PDE1C: variants seen among roughly 807,000 people sequenced by gnomAD.
PDE1C encodes phosphodiesterase 1C.
A neutral mutation model predicts 93.1 loss-of-function variants in PDE1C; 62 were observed. The observed-to-expected ratio is 0.67, with a 90% confidence interval of 0.54 to 0.82. The LOEUF (loss-of-function observed/expected upper bound fraction) is 0.82. PDE1C is among the 40% of genes least tolerant of loss of function. PDE1C has a pLI of 0.00. For synonymous variants in PDE1C, 325 were observed against 310.1 expected (o/e 1.05, Z -0.50); for missense variants, 742 against 884.6 (o/e 0.84, Z 2.04).
chr7:32,070,778 G>C (rs1795962152), upstream of PDE1C: 3 of 1,011,106 alleles, frequency 3.0e-6, no homozygotes, highest in Admixed American at 1.1e-4. Flanking sequence ...CAGCTAAAGG[G>C]TTTGGAGGTG....
At chr7:32,216,941 C>T (rs983584046) in intron 1 of PDE1C, among the ~76,000 whole-genome samples, 6 of 152,092 alleles carry the variant, frequency 3.9e-5, no homozygotes, top group Admixed American at 3.9e-4. Flanking sequence ...AGGGTACCAG[C>T]CTGCAGGCAA....
chr7:31,825,065 T>A, intron 12 of PDE1C, 78 bp from the exon 13 acceptor site: 1 of 1,573,382 alleles, frequency 6.4e-7, no homozygotes, highest in Non-Finnish European at 8.7e-7. Flanking sequence ...GAAACTGATC[T>A]AGAAGTTCCA....
chr7:31,903,308 A>G (rs1008537288), intron 2 of PDE1C, among the ~76,000 whole-genome samples: 6 of 152,018 alleles, frequency 3.9e-5, no homozygotes, highest in African/African-American at 1.4e-4. Context: ...AAATATCTGA[A>G]GTTGTATGGA....
At chr7:31,742,842 C>G in the PDE1C span, among the ~76,000 whole-genome samples, 2 of 152,180 alleles carry the variant, frequency 1.3e-5, no homozygotes, top group Admixed American at 1.3e-4. Context: ...AAATGCAAAA[C>G]TGTTTTCTAT....
intron 6 of PDE1C, among the ~76,000 whole-genome samples, chr7:31,868,422 C>A (rs1463022511): frequency 6.6e-6 from 1 of 151,982 alleles, no homozygotes; most frequent in Non-Finnish European, 1.5e-5. Flanking sequence ...ACATTTGAAA[C>A]CTTCAACAGT....
At chr7:32,047,658 T>C (rs1489791460) in intron 2 of PDE1C, among the ~76,000 whole-genome samples, 3 of 152,022 alleles carry the variant, frequency 2.0e-5, no homozygotes, top group African/African-American at 7.2e-5. Flanking sequence ...TAAAGAAAGA[T>C]AACTGCCTCA....
chr7:32,389,750 G>C (rs982124090), intron 1 of PDE1C, among the ~76,000 whole-genome samples: 2 of 152,160 alleles, frequency 1.3e-5, no homozygotes, highest in Non-Finnish European at 2.9e-5. Flanking sequence ...GACTTATCAG[G>C]CATTTAAAAC....
intron 1 of PDE1C, among the ~76,000 whole-genome samples, chr7:32,412,131 G>T (rs1785182476): frequency 6.6e-6 from 1 of 152,106 alleles, no homozygotes; most frequent in Non-Finnish European, 1.5e-5. Context: ...AATAAGTAGA[G>T]GAAGTACACT....
At chr7:31,878,857 T>TA in intron 4 of PDE1C, 139 bp downstream of exon 4, 1 of 785,516 alleles carries the variant, frequency 1.3e-6, no homozygotes, top group South Asian at 1.9e-5. Context: ...CCATTTCTCA[T>TA]TCAAGACTAT....
At chr7:32,161,132 C>T (rs1415207119) in intron 3 of PDE1C, among the ~76,000 whole-genome samples, 1 of 152,182 alleles carries the variant, frequency 6.6e-6, no homozygotes, top group Non-Finnish European at 1.5e-5. Flanking sequence ...ATTCAATCAA[C>T]AAATACACCT....
At chr7:32,005,002 G>A (rs1026058419) in intron 2 of PDE1C, among the ~76,000 whole-genome samples, 2 of 152,140 alleles carry the variant, frequency 1.3e-5, no homozygotes, top group Non-Finnish European at 2.9e-5. Flanking sequence ...AGCTCCTATG[G>A]AGGATGAAAT....
intron 6 of PDE1C, among the ~76,000 whole-genome samples, chr7:31,872,159 T>C (rs1051909904): frequency 6.6e-6 from 1 of 152,136 alleles, no homozygotes; most frequent in Non-Finnish European, 1.5e-5. Context: ...CACTCACATG[T>C]GAGAGCTAAA....
At chr7:31,817,557 C>T (rs1432411441) in intron 14 of PDE1C, among the ~76,000 whole-genome samples, 2 of 152,290 alleles carry the variant, frequency 1.3e-5, no homozygotes, top group South Asian at 2.1e-4. Flanking sequence ...TCCCATGCAG[C>T]GCTTAATTCA....
At chr7:32,065,051 T>G (rs13237119) in intron 1 of PDE1C, among the ~76,000 whole-genome samples, 5 of 115,172 alleles carry the variant, frequency 4.3e-5, no homozygotes, top group Non-Finnish European at 3.6e-5. Flanking sequence ...GGAACGGCGG[T>G]GGGGGGGGGG....
intron 7 of PDE1C, among the ~76,000 whole-genome samples, chr7:31,857,641 C>G (rs1324909407): frequency 1.3e-5 from 2 of 152,094 alleles, no homozygotes; most frequent in Non-Finnish European, 2.9e-5. Flanking sequence ...ACAGACCACA[C>G]AAACACAGAG....
At chr7:32,045,509 G>GGTA (rs1792427054) in intron 2 of PDE1C, among the ~76,000 whole-genome samples, 1 of 152,186 alleles carries the variant, frequency 6.6e-6, no homozygotes, top group African/African-American at 2.4e-5. Flanking sequence ...TGTCCCTGAT[G>GGTA]TTACCACTTA....
intron 1 of PDE1C, among the ~76,000 whole-genome samples, chr7:32,279,406 T>G (rs1461689246): frequency 2.6e-5 from 4 of 152,114 alleles, no homozygotes; most frequent in African/African-American, 9.7e-5. Context: ...TATTGCACAG[T>G]AGGGTGATTG....
chr7:32,082,688 G>A (rs1234448366), intron 3 of PDE1C, among the ~76,000 whole-genome samples: 1 of 152,108 alleles, frequency 6.6e-6, no homozygotes, highest in Non-Finnish European at 1.5e-5. Flanking sequence ...CAGCATTCGC[G>A]GTTCACCAAA....
At chr7:32,191,569 C>T (rs1225763694) in intron 2 of PDE1C, among the ~76,000 whole-genome samples, 1 of 152,140 alleles carries the variant, frequency 6.6e-6, no homozygotes, top group Non-Finnish European at 1.5e-5. Context: ...GTAGCTCATT[C>T]CCCTTTCTTG....
Sources: gnomAD v4.1 joint callset for allele counts (sites outside exome capture counted in the v4.1 genomes callset) on GRCh38, gnomAD v4.1.1 for gene constraint, MANE v1.5 for transcripts, NCBI Gene and HGNC (gene_info 2026-07-23, HGNC 2026-07-21) for gene names.